SSU72L3: variants seen among roughly 807,000 people sequenced by gnomAD.
SSU72L3 encodes RNA polymerase II subunit A C-terminal domain phosphatase SSU72 like protein 3.
At chr11:4,330,357 T>A in the SSU72L3 span, 13 of 760,574 alleles carry the variant, frequency 1.7e-5, no homozygotes, top group Middle Eastern at 3.5e-4. Flanking sequence ...CCTGCAGCAG[T>A]CAGACGACAT....
chr11:4,330,827 A>G, the SSU72L3 span, among the ~76,000 whole-genome samples: 9 of 152,266 alleles, frequency 5.9e-5, no homozygotes, highest in African/African-American at 1.7e-4. Context: ...ATAACATTGT[A>G]TAGATAAGCA....
the SSU72L3 span, chr11:4,330,312 C>A: frequency 1.3e-6 from 1 of 761,362 alleles, no homozygotes; most frequent in African/African-American, 1.7e-5. Flanking sequence ...AGATGCCACC[C>A]TGGGAGCTTT....
chr11:4,330,710 A>G, the SSU72L3 span, among the ~76,000 whole-genome samples: 1 of 152,206 alleles, frequency 6.6e-6, no homozygotes, highest in Non-Finnish European at 1.5e-5. Flanking sequence ...TGCTTATATC[A>G]TTCTACAAGG....
At chr11:4,330,448 G>T in the SSU72L3 span, 4 of 625,712 alleles carry the variant, frequency 6.4e-6, no homozygotes, top group African/African-American at 7.4e-5. Flanking sequence ...TGCTTCTACT[G>T]AACATCTGGG....
the SSU72L3 span, chr11:4,330,390 C>T: frequency 2.6e-6 from 2 of 756,936 alleles, no homozygotes; most frequent in Non-Finnish European, 4.8e-6. Flanking sequence ...GGAGGAGCTG[C>T]TGTTGCAAAT....
At chr11:4,330,649 G>A in the SSU72L3 span, among the ~76,000 whole-genome samples, 103 of 152,148 alleles carry the variant, frequency 6.8e-4, no homozygotes, top group African/African-American at 2.4e-3. Flanking sequence ...TAAAAGCACT[G>A]AAAAATGCTT....
the SSU72L3 span, chr11:4,330,371 A>T: frequency 1.6e-5 from 12 of 761,090 alleles, no homozygotes; most frequent in Non-Finnish European, 2.6e-5. Context: ...ACGACATAGA[A>T]GACAATCTGG....
At chr11:4,329,878 C>A in the SSU72L3 span, 15 of 724,138 alleles carry the variant, frequency 2.1e-5, no homozygotes, top group Admixed American at 2.5e-4. Context: ...CTCTCCTCCC[C>A]ACTCAGGGTG....
chr11:4,330,073 G>A, the SSU72L3 span: 4 of 774,724 alleles, frequency 5.2e-6, no homozygotes, highest in Non-Finnish European at 7.2e-6. Flanking sequence ...GACCTCCTCA[G>A]GAAAGATAGA....
chr11:4,330,499 A>C, the SSU72L3 span: 2 of 602,034 alleles, frequency 3.3e-6, no homozygotes, highest in Non-Finnish European at 2.9e-6. Context: ...TAGGCATGGG[A>C]CTTTAGTCCG....
At chr11:4,329,853 G>T in the SSU72L3 span, 3 of 689,170 alleles carry the variant, frequency 4.4e-6, no homozygotes, top group Admixed American at 6.5e-5. Context: ...CTGGTTCCCA[G>T]TGGCCACCAT....
At chr11:4,330,050 G>C in the SSU72L3 span, 4 of 777,286 alleles carry the variant, frequency 5.1e-6, no homozygotes, top group Non-Finnish European at 7.2e-6. Flanking sequence ...CAACATATAA[G>C]CAGATGTACA....
chr11:4,330,021 G>C, the SSU72L3 span: 3 of 775,248 alleles, frequency 3.9e-6, no homozygotes, highest in Non-Finnish European at 7.2e-6. Flanking sequence ...CAATCGTCCT[G>C]TAGTTTATGA....
chr11:4,330,187 T>C, the SSU72L3 span: 1 of 738,382 alleles, frequency 1.4e-6, no homozygotes, highest in Admixed American at 1.9e-5. Context: ...TTTGATGTCA[T>C]CTTCACCTGT....
chr11:4,329,948 A>T, the SSU72L3 span: 94 of 737,008 alleles, frequency 1.3e-4, no homozygotes, highest in Non-Finnish European at 1.6e-4. Flanking sequence ...TCCTCAGGAG[A>T]AAAGGGCTAA....
the SSU72L3 span, chr11:4,329,804 G>A: frequency 4.9e-6 from 3 of 609,054 alleles, no homozygotes; most frequent in South Asian, 2.1e-5. Flanking sequence ...CGTCTCCTCG[G>A]CTCCGAGTCC....
At chr11:4,329,955 C>G in the SSU72L3 span, 3 of 744,250 alleles carry the variant, frequency 4.0e-6, no homozygotes, top group Non-Finnish European at 7.4e-6. Context: ...GAGAAAAGGG[C>G]TAAGTGTCCG....
chr11:4,330,443 C>G, the SSU72L3 span: 9 of 629,956 alleles, frequency 1.4e-5, no homozygotes, highest in South Asian at 1.3e-4. Context: ...CCGTCTGCTT[C>G]TACTGAACAT....
chr11:4,330,406 A>G, the SSU72L3 span: 6 of 739,688 alleles, frequency 8.1e-6, 1 homozygote, highest in Admixed American at 3.7e-5. Context: ...CAAATGGAGG[A>G]GAAGGCAGGA....
Sources: gnomAD v4.1 joint callset for allele counts (sites outside exome capture counted in the v4.1 genomes callset) on GRCh38, gnomAD v4.1.1 for gene constraint, MANE v1.5 for transcripts, NCBI Gene and HGNC (gene_info 2026-07-23, HGNC 2026-07-21) for gene names.